LAMTOR2: variants seen among roughly 807,000 people sequenced by gnomAD.
The protein encoded by LAMTOR2 is ragulator complex protein LAMTOR2.
In LAMTOR2, 4 loss-of-function variants were observed where a neutral mutation model predicts 15.8. That is an observed-to-expected ratio of 0.25 (90% CI 0.12 to 0.58). LAMTOR2 has a LOEUF of 0.58. LAMTOR2 is among the 20% of genes least tolerant of loss of function. The pLI is 0.91. For missense variants in LAMTOR2, 100 were observed against 161.0 expected, an observed-to-expected ratio of 0.62 and a Z score of 2.05; for synonymous variants, 62 against 64.1, an observed-to-expected ratio of 0.97 and a Z score of 0.15.
intron 3 of LAMTOR2, 21 bp from the exon 4 acceptor site, chr1:156,058,294 A>T: frequency 6.2e-7 from 1 of 1,613,864 alleles, no homozygotes; most frequent in Non-Finnish European, 8.5e-7. Context: ...TGCGGGACTG[A>T]TCTCTGTTCT....
rs755210515 is a variant in LAMTOR2 at position 156,054,840 on chromosome 1, A to T, written c.-50A>T. On this transcript the variant is annotated 5_prime_UTR_variant, in exon 1 of 4. Transcript: ENST00000368305. ...GAAGCAGCGGGCAGCGGCCCGCGGG[A>T]GGCACCTCGGAGATCTGGGTGCAAA... 1 of 1,577,628 alleles carries T rather than the reference A, an allele frequency of 6.3e-7. No individual in the cohort carries two copies. Among genetic ancestry groups the T allele is most frequent in the Non-Finnish European group, 8.7e-7 (1 of 1,150,690 alleles).
rs1198190734 is a variant in LAMTOR2 at position 156,054,855 on chromosome 1, C to A, written c.-35C>A. 2 of 1,608,728 alleles carry A rather than the reference C, an allele frequency of 1.2e-6. No individual in the cohort carries two copies. The highest frequency in any genetic ancestry group is 2.2e-5 in the South Asian group (2 of 90,604). Reference sequence around the variant, plus strand: ...GGCCCGCGGGAGGCACCTCGGAGATCTGGGTGCAAAAGCCCAGGGTTAGGA... The same window carrying A: ...GGCCCGCGGGAGGCACCTCGGAGATATGGGTGCAAAAGCCCAGGGTTAGGA... On this transcript the variant is annotated 5_prime_UTR_variant, in exon 1 of 4. The change creates a new upstream start codon in the 5' untranslated region. Transcript: ENST00000368305.
intron 2 of LAMTOR2, 33 bp from the exon 3 acceptor site, chr1:156,057,945 G>A: frequency 6.2e-7 from 1 of 1,603,184 alleles, no homozygotes; most frequent in Non-Finnish European, 8.5e-7. Flanking sequence ...GTGCCAAGCA[G>A]AACATCACAT....
At chr1:156,056,770 C>A (rs1647385050) in intron 2 of LAMTOR2, among the ~76,000 whole-genome samples, 1 of 152,120 alleles carries the variant, frequency 6.6e-6, no homozygotes, top group Non-Finnish European at 1.5e-5. Context: ...TCTCCCCTAC[C>A]CCCTGCACAA....
chr1:156,056,607 G>A (rs1383769847), intron 2 of LAMTOR2, among the ~76,000 whole-genome samples: 1 of 152,218 alleles, frequency 6.6e-6, no homozygotes, highest in African/African-American at 2.4e-5. Context: ...AGGGTAGTAG[G>A]AGATGAGGTC....
intron 2 of LAMTOR2, among the ~76,000 whole-genome samples, chr1:156,057,270 A>G (rs867392622): frequency 5.9e-5 from 9 of 151,764 alleles, no homozygotes; most frequent in South Asian, 2.1e-4. Context: ...AGGCTGGAGG[A>G]TTATCTGAGG....
At position 156,055,133 on chromosome 1, in the gene LAMTOR2, T is replaced by C; in HGVS notation, c.69-130T>C. ...AAGGGAAGCCGGTGTGCTGGGTGCT[T>C]AGGGCATGTTCCGGGACACGCTCAG... is the stretch of plus-strand genomic sequence containing the variant. On this transcript the variant is annotated intron_variant, in intron 1 of 3. Transcript: ENST00000368305. The surrounding 1 kb of genome is among the most constrained non-coding windows in gnomAD (Gnocchi z 4.8). The C allele has an allele frequency of 2.1e-6, 3 of 1,421,374 alleles. No homozygotes were observed. Among genetic ancestry groups the C allele is most frequent in the Non-Finnish European group, 3.0e-6 (3 of 1,014,994 alleles). 88.0% of individuals were successfully genotyped at this position (1,421,374 alleles called of 1,614,324 possible).
In LAMTOR2 at chr1:156,055,326, C is replaced by T. The variant is rs768393528; in HGVS notation, c.132C>T (p.Val44=). The T allele has an allele frequency of 1.9e-6, 3 of 1,614,208 alleles. No homozygotes were observed. The highest frequency in any genetic ancestry group is 1.1e-5 in the South Asian group (1 of 91,078). Residue 44 remains valine (V), a synonymous_variant, in exon 2 of 4, where the codon GTC becomes GTT. Coordinates refer to ENST00000368305, the MANE Select transcript of LAMTOR2 (RefSeq NM_014017.4). The surrounding 1 kb of genome is among the most constrained non-coding windows in gnomAD (Gnocchi z 4.8). ...GTTACGGGGACACTGACGCCCGGGT[C>T]ACCGCTGCCATAGCCAGTAACATCT... ...YSGYGDTDAR[V]TAAIASNIWA...
rs1413564261 is a variant in LAMTOR2, at chr1:156,055,953, G to C, written c.231+528G>C. ...TCACCATTAGATTGTGAACTTCTTA[G>C]TATCTGTTCGGTCGACAAGTATTTA... On this transcript the variant is annotated intron_variant, in intron 2 of 3. Coordinates refer to ENST00000368305, the MANE Select transcript of LAMTOR2 (RefSeq NM_014017.4). The surrounding 1 kb of genome is among the most constrained non-coding windows in gnomAD (Gnocchi z 4.8). 1 of 172,954 alleles carries C rather than the reference G, an allele frequency of 5.8e-6. No homozygotes were observed. Among genetic ancestry groups the C allele is most frequent in the Non-Finnish European group, 1.3e-5 (1 of 78,330 alleles). 10.7% of individuals were successfully genotyped at this position (172,954 alleles called of 1,614,324 possible). A position where few individuals can be genotyped will look rare whatever the true frequency, so the allele number is the denominator to read the frequency against.
chr1:156,058,168 A>T, intron 3 of LAMTOR2, 101 bp downstream of exon 3: 1 of 1,495,236 alleles, frequency 6.7e-7, no homozygotes, highest in Non-Finnish European at 9.3e-7. Context: ...TCTCATGTCT[A>T]CTCAGTCCAT....
Position 156,058,423 on chromosome 1 carries a change from C to T in LAMTOR2, c.*52C>T, listed in dbSNP as rs777780872. 1.9e-5 allele frequency: 31 copies of T among 1,598,062 alleles called. No individual in the cohort carries two copies. Among genetic ancestry groups the T allele is most frequent in the Non-Finnish European group, 2.3e-5 (27 of 1,165,908 alleles). ...AAAGAGAAATGACCATTTGGAGGGG[C>T]GGGGCCTCCTAGAAGAACCTTCTTA... is the stretch of plus-strand genomic sequence containing the variant. On this transcript the variant is annotated 3_prime_UTR_variant, in exon 4 of 4. Transcript: ENST00000368305.
chr1:156,054,788 T>A lies in LAMTOR2; in HGVS notation c.-102T>A. The A allele has an allele frequency of 8.4e-7, 1 of 1,193,362 alleles. No homozygotes were observed. Among genetic ancestry groups the A allele is most frequent in the Admixed American group, 1.9e-5 (1 of 52,032 alleles). The allele number at this position is 1,193,362 out of a possible 1,614,324, so 73.9% of individuals were successfully genotyped here. A position where few individuals can be genotyped will look rare whatever the true frequency, so the allele number is the denominator to read the frequency against. On this transcript the variant is annotated 5_prime_UTR_variant, in exon 1 of 4. Transcript: ENST00000368305. ...CGAAGAAACTACAACTCCCAGGGCGTCCCGGAGCAGGCCAACGGGACTACG... is the reference window on the plus strand; with the variant it reads ...CGAAGAAACTACAACTCCCAGGGCGACCCGGAGCAGGCCAACGGGACTACG...
rs1215946265 is a variant in LAMTOR2, at chr1:156,055,513, C to T, written c.231+88C>T. The T allele has an allele frequency of 6.8e-7, 1 of 1,465,612 alleles. No homozygotes were observed. Among genetic ancestry groups the T allele is most frequent in the Non-Finnish European group, 9.5e-7 (1 of 1,048,928 alleles). The allele number at this position is 1,465,612 out of a possible 1,614,324, so 90.8% of individuals were successfully genotyped here. ...ACCCCATCCTGGATGGTTGGAGGGG[C>T]AGGGACAGGATCTCCGGAAGATTAC... On this transcript the variant is annotated intron_variant, in intron 2 of 3. Coordinates refer to ENST00000368305, the MANE Select transcript of LAMTOR2 (RefSeq NM_014017.4). This position sits in a 1 kb window ranked among gnomAD's most constrained non-coding sequence, Gnocchi z 4.8.
At position 156,055,158 on chromosome 1, in the gene LAMTOR2, G is replaced by A. The variant is rs1346205463; in HGVS notation, c.69-105G>A. On this transcript the variant is annotated intron_variant, in intron 1 of 3. Transcript: ENST00000368305. This position sits in a 1 kb window ranked among gnomAD's most constrained non-coding sequence, Gnocchi z 4.8. ...TAGGGCATGTTCCGGGACACGCTCAGGCCAGAGCCTTGCTGGATGTGCCCT... is the reference window on the plus strand; with the variant it reads ...TAGGGCATGTTCCGGGACACGCTCAAGCCAGAGCCTTGCTGGATGTGCCCT... 6.6e-7 allele frequency: 1 copy of A among 1,524,600 alleles called. No homozygotes were observed. Among genetic ancestry groups the A allele is most frequent in the Non-Finnish European group, 9.0e-7 (1 of 1,107,884 alleles). The allele number at this position is 1,524,600 out of a possible 1,614,324, so 94.4% of individuals were successfully genotyped here.
Position 156,055,526 on chromosome 1 carries a change from T to A in LAMTOR2, c.231+101T>A. 2 of 1,341,528 alleles carry A rather than the reference T, an allele frequency of 1.5e-6. No individual in the cohort carries two copies. The highest frequency in any genetic ancestry group is 2.1e-6 in the Non-Finnish European group (2 of 940,208). The allele number at this position is 1,341,528 out of a possible 1,614,324, so 83.1% of individuals were successfully genotyped here. ...TGGTTGGAGGGGCAGGGACAGGATC[T>A]CCGGAAGATTACTAAGAGTTGGTCT... On this transcript the variant is annotated intron_variant, in intron 2 of 3. Coordinates refer to ENST00000368305, the MANE Select transcript of LAMTOR2 (RefSeq NM_014017.4). The surrounding 1 kb of genome is among the most constrained non-coding windows in gnomAD (Gnocchi z 4.8).
Position 156,057,230 on chromosome 1 carries a change from C to G in LAMTOR2, c.232-748C>G, listed in dbSNP as rs141647148. Among the ~76,000 whole-genome samples, 445 of 150,574 alleles carry G rather than the reference C, an allele frequency of 3.0e-3. 1 individual carries two copies. The highest frequency in any genetic ancestry group is 5.0e-3 in the Non-Finnish European group (339 of 67,698). On this transcript the variant is annotated intron_variant, in intron 2 of 3. Coordinates refer to ENST00000368305, the MANE Select transcript of LAMTOR2 (RefSeq NM_014017.4). ...TTTTAAGGCTGAGCACAGTGCCTCA[C>G]TCCTGTAATCCCAACACTTTGGGAG...
chr1:156,058,466 G>A lies in LAMTOR2; in HGVS notation c.*95G>A. On this transcript the variant is annotated 3_prime_UTR_variant, in exon 4 of 4. Transcript: ENST00000368305. ...CCTTCTTAGACAATGGGGGGAGGAT[G>A]GGACTTTGTTTTTTCCAAGAATAAA... 3 of 1,349,580 alleles carry A rather than the reference G, an allele frequency of 2.2e-6. No homozygotes were observed. In the South Asian group the frequency reaches 3.5e-5, roughly 16 times the overall value. 83.6% of individuals were successfully genotyped at this position (1,349,580 alleles called of 1,614,324 possible).
chr1:156,054,944 G>A lies in LAMTOR2; in HGVS notation c.55G>A (p.Val19Ile). The A allele has an allele frequency of 6.2e-7, 1 of 1,612,440 alleles. No homozygotes were observed. The highest frequency in any genetic ancestry group is 1.1e-5 in the South Asian group (1 of 90,984). Residue 19 changes from valine to isoleucine, a missense_variant, in exon 1 of 4, where the codon GTC becomes ATC. Coordinates refer to ENST00000368305, the MANE Select transcript of LAMTOR2 (RefSeq NM_014017.4). ...QVLSQANTGG[V>I]QSTLLLNNEG... ...GCTAAGCCAAGCCAACACTGGAGGC[G>A]TCCAGAGCACCCTGTGAGTGCAGAC...
At position 156,058,457 on chromosome 1, in the gene LAMTOR2, G is replaced by T. The variant is rs763722302; in HGVS notation, c.*86G>T. 1 of 1,392,926 alleles carries T rather than the reference G, an allele frequency of 7.2e-7. No individual in the cohort carries two copies. The highest frequency in any genetic ancestry group is 1.0e-6 in the Non-Finnish European group (1 of 981,518). 86.3% of individuals were successfully genotyped at this position (1,392,926 alleles called of 1,614,324 possible). ...CTAGAAGAACCTTCTTAGACAATGG[G>T]GGGAGGATGGGACTTTGTTTTTTCC... On this transcript the variant is annotated 3_prime_UTR_variant, in exon 4 of 4. Transcript: ENST00000368305.
Sources: gnomAD v4.1 joint callset for allele counts (sites outside exome capture counted in the v4.1 genomes callset) on GRCh38, gnomAD v4.1.1 for gene constraint, Gnocchi (gnomAD v3.1) non-coding constraint, MANE v1.5 for transcripts, NCBI Gene and HGNC (gene_info 2026-07-23, HGNC 2026-07-21) for gene names.